The following TSHZ2 variants were observed in gnomAD, a reference collection of about 807,000 sequenced individuals.
TSHZ2 encodes teashirt zinc finger homeobox 2, also known as teashirt homolog 2.
In TSHZ2, 21 loss-of-function variants were observed where a neutral mutation model predicts 74.4. The ratio of observed to expected loss-of-function variants is 0.28; its 90% confidence interval spans 0.20 to 0.41. The LOEUF is 0.41. Among genes scored for constraint, TSHZ2 ranks in the 10% least tolerant of loss-of-function variants. The pLI is 1.00. For missense variants in TSHZ2, 1,244 were observed against 1,293.5 expected (o/e 0.96, Z 0.59); for synonymous variants, 540 against 515.3 (o/e 1.05, Z -0.65).
intron 1 of TSHZ2, among the ~76,000 whole-genome samples, chr20:53,062,377 G>C (rs187768967): frequency 2.8e-3 from 419 of 152,310 alleles, no homozygotes; most frequent in Non-Finnish European, 4.3e-3. Flanking sequence ...TTCTGAGGCA[G>C]TGCAAATTCA....
intron 1 of TSHZ2, among the ~76,000 whole-genome samples, chr20:53,110,234 G>T (rs1320306394): frequency 6.6e-6 from 1 of 151,608 alleles, no homozygotes. Flanking sequence ...CATTCCTATT[G>T]TGCTAGCCCT....
intron 1 of TSHZ2, among the ~76,000 whole-genome samples, chr20:52,991,309 G>A (rs559504823): frequency 1.6e-5 from 2 of 123,974 alleles, no homozygotes; most frequent in African/African-American, 3.2e-5. Flanking sequence ...GTATGTTGTG[G>A]GTATTAGTGT....
intron 2 of TSHZ2, among the ~76,000 whole-genome samples, chr20:53,463,422 GGAAGGAA>G (rs1985452363): frequency 7.9e-6 from 1 of 125,836 alleles, no homozygotes; most frequent in African/African-American, 3.3e-5. Flanking sequence ...AAGGAAGGAA[GGAAGGAA>G]GGAAGGAGGG....
rs763434257 is a variant in TSHZ2, at chr20:53,254,727, G to A, written c.1269G>A (p.Pro423=). Residue 423 remains proline, a synonymous_variant, in exon 2 of 3, where the codon CCG becomes CCA. Transcript: ENST00000371497. ...SKKGKQLVLD[P]LAVEKMQSLS... ...AAGGGAAGCAGCTGGTATTAGACCC[G>A]TTAGCAGTGGAGAAAATGCAGTCGT... 24 of 1,613,808 alleles carry A rather than the reference G, an allele frequency of 1.5e-5. No homozygotes were observed. The highest frequency in any genetic ancestry group is 3.3e-5 in the South Asian group (3 of 91,068).
At chr20:52,990,576 G>A (rs1457379553) in intron 1 of TSHZ2, among the ~76,000 whole-genome samples, 4 of 152,202 alleles carry the variant, frequency 2.6e-5, no homozygotes, top group Non-Finnish European at 4.4e-5. Context: ...TACGGCTTTA[G>A]AGATGCCGAG....
At chr20:53,352,962 A>G (rs1283248295) in intron 2 of TSHZ2, among the ~76,000 whole-genome samples, 1 of 152,102 alleles carries the variant, frequency 6.6e-6, no homozygotes, top group Non-Finnish European at 1.5e-5. Flanking sequence ...CTGCTTATAT[A>G]TATTTGCTTA....
At chr20:53,329,140 T>C (rs182108197) in intron 2 of TSHZ2, among the ~76,000 whole-genome samples, 105 of 152,336 alleles carry the variant, frequency 6.9e-4, no homozygotes, top group African/African-American at 2.5e-3. Flanking sequence ...ATCACTCGAA[T>C]GCATTTGCCA....
chr20:53,095,944 C>T (rs1156340229), intron 1 of TSHZ2, among the ~76,000 whole-genome samples: 1 of 152,142 alleles, frequency 6.6e-6, no homozygotes, highest in Admixed American at 6.5e-5. Context: ...GGCTTGACAA[C>T]ATTTCAGCAT....
intron 2 of TSHZ2, among the ~76,000 whole-genome samples, chr20:53,331,026 AATTAT>A (rs1451074408): frequency 1.3e-5 from 2 of 152,238 alleles, no homozygotes; most frequent in Non-Finnish European, 2.9e-5. Flanking sequence ...GCCTGCTGTG[AATTAT>A]ATTATAACCA....
At chr20:53,276,022 A>G (rs141027761) in intron 2 of TSHZ2, among the ~76,000 whole-genome samples, 2 of 152,350 alleles carry the variant, frequency 1.3e-5, no homozygotes, top group Non-Finnish European at 2.9e-5. Context: ...ACCACATCAA[A>G]GTTAAGTAAA....
Position 53,273,726 on chromosome 20 carries a change from G to A in TSHZ2, c.*8+17155G>A, listed in dbSNP as rs6022367. On this transcript the variant is annotated intron_variant, in intron 2 of 2. Transcript: ENST00000371497. Reference sequence around the variant, plus strand: ...CCTTGGTTGGAGCCTCAGTGGAGGCGGTGAGCATGGGAAGGAATGCGTGGA... The same window carrying A: ...CCTTGGTTGGAGCCTCAGTGGAGGCAGTGAGCATGGGAAGGAATGCGTGGA... 6.6e-3 allele frequency among the ~76,000 whole-genome samples: 1,008 copies of A among 152,268 alleles called. 13 individuals carry two copies. The highest frequency in any genetic ancestry group is 0.023 in the African/African-American group (968 of 41,560).
chr20:53,163,856 G>A (rs1255089752), intron 1 of TSHZ2, among the ~76,000 whole-genome samples: 1 of 152,124 alleles, frequency 6.6e-6, no homozygotes, highest in African/African-American at 2.4e-5. Flanking sequence ...ATAAATGTTT[G>A]TTGTTGTTAG....
intron 2 of TSHZ2, among the ~76,000 whole-genome samples, chr20:53,360,357 C>T (rs1398252383): frequency 2.0e-5 from 3 of 152,196 alleles, no homozygotes; most frequent in African/African-American, 7.2e-5. Flanking sequence ...GGAACGTGCT[C>T]ATCTGGTCAG....
intron 2 of TSHZ2, among the ~76,000 whole-genome samples, chr20:53,391,129 T>C (rs113495937): frequency 0.024 from 3,600 of 147,398 alleles, 133 homozygotes; most frequent in African/African-American, 0.087. Flanking sequence ...TGTTTTGTTT[T>C]GTTTTGTTTT....
rs566815868 is a variant in TSHZ2 at position 53,057,249 on chromosome 20, A to T, written c.40+83916A>T. The stretch of plus-strand genomic sequence containing the variant: ...TTTCTTCATAGCAGTATGAAAATGG[A>T]CTAATACACCTAGTACCTTGTAAGC... On this transcript the variant is annotated intron_variant, in intron 1 of 2. Coordinates refer to ENST00000371497, the MANE Select transcript of TSHZ2 (RefSeq NM_173485.6). Among the ~76,000 whole-genome samples, 33 of 152,278 alleles carry T rather than the reference A, an allele frequency of 2.2e-4. 1 individual carries two copies. The highest frequency in any genetic ancestry group is 2.0e-3 in the Admixed American group (31 of 15,292).
At chr20:53,227,298 T>C (rs1989706891) in intron 1 of TSHZ2, among the ~76,000 whole-genome samples, 1 of 152,074 alleles carries the variant, frequency 6.6e-6, no homozygotes. Flanking sequence ...TATTTATAAT[T>C]ATATTTTGTA....
At chr20:53,385,957 C>T (rs1400419029) in intron 2 of TSHZ2, among the ~76,000 whole-genome samples, 11 of 152,148 alleles carry the variant, frequency 7.2e-5, no homozygotes, top group South Asian at 2.1e-4. Context: ...CCTGCCACAC[C>T]GGACGAGGGT....
intron 1 of TSHZ2, chr20:53,185,773 T>C (rs1988583952): frequency 1.4e-6 from 2 of 1,435,830 alleles, no homozygotes; most frequent in South Asian, 1.2e-5. Context: ...ATTTTCTTAA[T>C]GGTTTGAACA....
At chr20:52,988,258 C>T (rs951747405) in intron 1 of TSHZ2, among the ~76,000 whole-genome samples, 1 of 152,126 alleles carries the variant, frequency 6.6e-6, no homozygotes, top group Non-Finnish European at 1.5e-5. Flanking sequence ...TGGCTACATT[C>T]AGGTTGTTTA....
Sources: allele counts gnomAD v4.1 joint callset (sites outside exome capture counted in the v4.1 genomes callset), GRCh38; gene constraint gnomAD v4.1.1; transcripts MANE v1.5; gene names NCBI Gene and HGNC (gene_info 2026-07-23, HGNC 2026-07-21).